Variants in IL10RA observed in about 807,000 individuals in gnomAD.
IL10RA encodes interleukin 10 receptor subunit alpha.
Under a neutral mutation model 29.6 loss-of-function variants are expected in IL10RA, and 18 were observed. The ratio of observed to expected loss-of-function variants is 0.61; its 90% confidence interval spans 0.42 to 0.90. The LOEUF (loss-of-function observed/expected upper bound fraction) is 0.90. IL10RA is among the 40% of genes least tolerant of loss of function. The probability of loss-of-function intolerance (pLI) is 0.00; values close to 1 mark genes in which losing one functional copy is unlikely to be tolerated. For synonymous variants in IL10RA, 292 were observed against 294.1 expected (o/e 0.99, Z 0.07); for missense variants, 634 against 716.6 (o/e 0.88, Z 1.32).
rs745397098 is a variant in IL10RA, at chr11:117,986,458, C to A, written c.-10C>A. The A allele has an allele frequency of 1.9e-6, 3 of 1,551,342 alleles. No individual in the cohort carries two copies. Among genetic ancestry groups the A allele is most frequent in the Non-Finnish European group, 2.6e-6 (3 of 1,147,792 alleles). Reference sequence around the variant, plus strand: ...TCCGCTCCGGCCCCGGACGATGCGGCGCGCCCAGGATGCTGCCGTGCCTCG... The same window carrying A: ...TCCGCTCCGGCCCCGGACGATGCGGAGCGCCCAGGATGCTGCCGTGCCTCG... On this transcript the variant is annotated 5_prime_UTR_variant, in exon 1 of 7. Transcript: ENST00000227752.
chr11:117,998,210 G>T (rs947120813), intron 6 of IL10RA, among the ~76,000 whole-genome samples: 1 of 152,186 alleles, frequency 6.6e-6, no homozygotes, highest in African/African-American at 2.4e-5. Flanking sequence ...AGGCAGGAGG[G>T]CATAGACTGG....
intron 5 of IL10RA, 180 bp from the exon 6 acceptor site, chr11:117,995,409 G>C (rs1248549722): frequency 1.4e-6 from 1 of 717,794 alleles, no homozygotes; most frequent in South Asian, 1.6e-5. Flanking sequence ...GGTTTGGAAG[G>C]CCAGGTAGGG....
intron 6 of IL10RA, among the ~76,000 whole-genome samples, chr11:117,996,285 A>ATGCTGGC (rs1338158393): frequency 1.3e-5 from 2 of 151,288 alleles, no homozygotes; most frequent in Admixed American, 1.3e-4. Flanking sequence ...TGGAGAGGGG[A>ATGCTGGC]TGCTGGCAGG....
Position 117,999,497 on chromosome 11 carries a change from C to T in IL10RA, c.1593C>T (p.Cys531=). The change falls in exon 7 of 7, where the codon TGC becomes TGT. Residue 531 remains cysteine, a synonymous_variant. Transcript: ENST00000227752. ...GGTCACTCCTGGCCTTGAGCAGCTGCAGTGACCTGGGAATATCTGACTGGA... is the reference window on the plus strand; with the variant it reads ...GGTCACTCCTGGCCTTGAGCAGCTGTAGTGACCTGGGAATATCTGACTGGA... The part of the protein sequence containing the change: ...EEWSLLALSS[C]SDLGISDWSF... The T allele has an allele frequency of 6.2e-7, 1 of 1,614,232 alleles. No homozygotes were observed. The highest frequency in any genetic ancestry group is 8.5e-7 in the Non-Finnish European group (1 of 1,180,032).
chr11:117,994,287 A>G, intron 5 of IL10RA, 138 bp downstream of exon 5: 1 of 694,776 alleles, frequency 1.4e-6, no homozygotes, highest in Non-Finnish European at 2.4e-6. Context: ...CCTTAATAGG[A>G]GAGAGGTCCT....
chr11:117,995,732 C>T (rs757581549), intron 6 of IL10RA, 22 bp downstream of exon 6: 5 of 1,609,490 alleles, frequency 3.1e-6, no homozygotes, highest in Non-Finnish European at 3.4e-6. Flanking sequence ...AAGGAGGTCA[C>T]TGCCCCGTCC....
In IL10RA at chr11:117,986,508, G is replaced by C; in HGVS notation, c.41G>C (p.Ser14Thr). 6.4e-7 allele frequency: 1 copy of C among 1,556,374 alleles called. No homozygotes were observed. Among genetic ancestry groups the C allele is most frequent in the South Asian group, 1.2e-5 (1 of 84,352 alleles). Reference protein sequence around the residue: ...CLVVLLAALLSLRLGSDAHGT... With the variant: ...CLVVLLAALLTLRLGSDAHGT... ...GTAGTGCTGCTGGCGGCGCTCCTCAGCCTCCGTCTTGGCTCAGACGCTCAT... is the reference window on the plus strand; with the variant it reads ...GTAGTGCTGCTGGCGGCGCTCCTCACCCTCCGTCTTGGCTCAGACGCTCAT... The change falls in exon 1 of 7, where the codon AGC (serine) becomes ACC (threonine). Residue 14 changes from serine (S) to threonine (T), a missense_variant. Transcript: ENST00000227752.
chr11:117,993,148 C>T (rs2058034146), intron 3 of IL10RA, 93 bp from the exon 4 acceptor site: 1 of 1,204,010 alleles, frequency 8.3e-7, no homozygotes, highest in South Asian at 1.2e-5. Context: ...TCTAATTAAG[C>T]TTAATTCTGG....
chr11:117,988,317 G>A (rs2058000252), intron 1 of IL10RA, 65 bp from the exon 2 acceptor site: 29 of 1,607,940 alleles, frequency 1.8e-5, no homozygotes, highest in South Asian at 1.5e-4. Context: ...TTCTTCTTTG[G>A]TAAAATTGGG....
intron 4 of IL10RA, 72 bp from the exon 5 acceptor site, chr11:117,993,927 G>C: frequency 1.4e-6 from 2 of 1,389,676 alleles, no homozygotes; most frequent in South Asian, 1.2e-5. Context: ...ACCTCTAAAG[G>C]CCCACCAGCT....
chr11:117,993,396 C>A lies in IL10RA; in HGVS notation c.523C>A (p.Pro175Thr), dbSNP rs200329320. The A allele has an allele frequency of 2.4e-5, 38 of 1,614,032 alleles. No individual in the cohort carries two copies. The East Asian group carries it at 8.5e-4, about 36-fold the overall frequency. ...GTATGAGATTGCCATTCGCAAGGTGCCGGGAAACTTCACGGTATGGGGTTC... is the reference window on the plus strand; with the variant it reads ...GTATGAGATTGCCATTCGCAAGGTGACGGGAAACTTCACGGTATGGGGTTC... Reference protein sequence around the residue: ...REYEIAIRKVPGNFTFTHKKV... With the variant: ...REYEIAIRKVTGNFTFTHKKV... Residue 175 changes from proline (P) to threonine (T), a missense_variant, in exon 4 of 7, where the codon CCG (proline) becomes ACG (threonine). Pro to Thr is a conservative substitution (Grantham distance 38). Transcript: ENST00000227752.
chr11:117,989,315 T>C lies in IL10RA; in HGVS notation c.189-127T>C. 1.2e-6 allele frequency: 1 copy of C among 857,672 alleles called. No homozygotes were observed. The highest frequency in any genetic ancestry group is 1.8e-5 in the Admixed American group (1 of 55,454). 53.1% of individuals were successfully genotyped at this position (857,672 alleles called of 1,614,324 possible). ...CAATGAGCTGCCGTGGACTAGAGGA[T>C]ATAGCCTGAGGGCTGTCCCAGTTTC... On this transcript the variant is annotated intron_variant, in intron 2 of 6. Transcript: ENST00000227752. This position sits in a 1 kb window ranked among gnomAD's most constrained non-coding sequence, Gnocchi z 4.5.
At chr11:117,993,873 T>C in intron 4 of IL10RA, 126 bp from the exon 5 acceptor site, 1 of 759,302 alleles carries the variant, frequency 1.3e-6, no homozygotes, top group South Asian at 1.5e-5. Context: ...ATTGTGGGGT[T>C]TGTCATCTTA....
At chr11:117,993,186 G>GCC in intron 3 of IL10RA, 55 bp from the exon 4 acceptor site, 1 of 1,518,716 alleles carries the variant, frequency 6.6e-7, no homozygotes, top group East Asian at 2.2e-5. Flanking sequence ...GGACACCCAG[G>GCC]CCCTCCTCAG....
rs1354231888 is a variant in IL10RA, at chr11:117,989,178, A to T, written c.189-264A>T. 6.6e-6 allele frequency among the ~76,000 whole-genome samples: 1 copy of T among 152,248 alleles called. No homozygotes were observed. The highest frequency in any genetic ancestry group is 6.5e-5 in the Admixed American group (1 of 15,290). On this transcript the variant is annotated intron_variant, in intron 2 of 6. Transcript: ENST00000227752. This position sits in a 1 kb window ranked among gnomAD's most constrained non-coding sequence, Gnocchi z 4.5. ...GAAGGGAGAGACCAGGCTGTGCTGT[A>T]GGAGCCAGAAAGAATTTCTGGAAGA... is the stretch of plus-strand genomic sequence containing the variant.
downstream of IL10RA, chr11:118,002,096 C>G (rs1167733391): frequency 6.5e-6 from 1 of 153,084 alleles, no homozygotes; most frequent in Non-Finnish European, 1.5e-5. Flanking sequence ...AGTGGTGGTT[C>G]TCCTAAGTGC....
rs961951960 is a variant in IL10RA, at chr11:118,000,642, T to C, written c.*1001T>C. ...GCACTGGGCTGGGGTCCCTGCCTTG[T>C]TGGTGTTCAGCTGTGTGATTTTGGA... is the stretch of plus-strand genomic sequence containing the variant. On this transcript the variant is annotated 3_prime_UTR_variant, in exon 7 of 7. Transcript: ENST00000227752. 1.1e-5 allele frequency: 5 copies of C among 454,194 alleles called. No homozygotes were observed. The highest frequency in any genetic ancestry group is 6.2e-5 in the South Asian group (4 of 64,468). 28.1% of individuals were successfully genotyped at this position (454,194 alleles called of 1,614,324 possible).
In IL10RA at chr11:117,999,049, GCACAGGGCC is replaced by G; in HGVS notation, c.1149_1157del (p.Gly384_Thr386del). 6.2e-7 allele frequency: 1 copy of G among 1,612,716 alleles called. No individual in the cohort carries two copies. The highest frequency in any genetic ancestry group is 1.3e-5 in the African/African-American group (1 of 75,060). On this transcript the variant is annotated inframe_deletion, in exon 7 of 7. Coordinates refer to ENST00000227752, the MANE Select transcript of IL10RA (RefSeq NM_001558.4). ...CTGCAGGAGCCCAGCCTGAGCCCCA[GCACAGGGCC>G]CACCTGGGAGCAACAGGTGGGGAGC...
chr11:117,994,179 G>C, intron 5 of IL10RA, 30 bp downstream of exon 5: 1 of 1,609,688 alleles, frequency 6.2e-7, no homozygotes, highest in Non-Finnish European at 8.5e-7. Context: ...CTCAGCATGG[G>C]GAGGGAGACT....
Sources: allele counts gnomAD v4.1 joint callset (sites outside exome capture counted in the v4.1 genomes callset), GRCh38; gene constraint gnomAD v4.1.1; non-coding constraint Gnocchi (gnomAD v3.1); transcripts MANE v1.5; gene names NCBI Gene and HGNC (gene_info 2026-07-23, HGNC 2026-07-21).